Variants in KCNJ6 observed in about 807,000 individuals in gnomAD.
KCNJ6 encodes the protein potassium inwardly rectifying channel subfamily J member 6, also known as G protein-activated inward rectifier potassium channel 2.
A neutral mutation model predicts 34.2 loss-of-function variants in KCNJ6; 9 were observed. The observed-to-expected ratio is 0.26, with a 90% CI of 0.16 to 0.46. The LOEUF is 0.46. Ranked by LOEUF, KCNJ6 falls within the 20% of genes least tolerant of loss-of-function variation. KCNJ6 has a pLI of 1.00. For synonymous variants in KCNJ6, 196 were observed against 207.1 expected (o/e 0.95, Z 0.46); for missense variants, 236 against 531.3 (o/e 0.44, Z 5.46).
At chr21:37,795,734 C>CAAAAAAAAAAAA (rs751299050) in intron 2 of KCNJ6, among the ~76,000 whole-genome samples, 1 of 62,858 alleles carries the variant, frequency 1.6e-5, no homozygotes, top group African/African-American at 5.6e-5. Flanking sequence ...AACTCCGTCT[C>CAAAAAAAAAAAA]AAAAAAAAAA....
At chr21:37,687,737 A>G (rs1245713484) in intron 3 of KCNJ6, among the ~76,000 whole-genome samples, 1 of 152,210 alleles carries the variant, frequency 6.6e-6, no homozygotes, top group Non-Finnish European at 1.5e-5. Flanking sequence ...ATTTCTTATT[A>G]GAAAAACAAT....
chr21:37,743,838 TA>T (rs529165342), intron 2 of KCNJ6, among the ~76,000 whole-genome samples: 1 of 152,044 alleles, frequency 6.6e-6, no homozygotes, highest in African/African-American at 2.4e-5. Context: ...CTTACACCAT[TA>T]AAAAAACCCC....
At chr21:37,718,085 C>T (rs569003698) in intron 2 of KCNJ6, among the ~76,000 whole-genome samples, 1 of 152,326 alleles carries the variant, frequency 6.6e-6, no homozygotes, top group South Asian at 2.1e-4. Context: ...TTCTCATCCT[C>T]TTTGCATTGA....
rs564651508 is a variant in KCNJ6, at chr21:37,864,109, C to T, written c.-27-23400G>A. 2.5e-4 allele frequency among the ~76,000 whole-genome samples: 31 copies of T among 125,200 alleles called. No homozygotes were observed. The South Asian group carries it at 4.3e-3, about 17-fold the overall frequency. The allele number at this position is 125,200 out of a possible 152,430, so 82.1% of individuals were successfully genotyped here. On this transcript the variant is annotated intron_variant, in intron 1 of 3. Transcript: ENST00000609713. Reference sequence around the variant, plus strand: ...GAAAGGAATATGCAATTCTCCAATTCTCTATTTTTTTTTTTTGTTTTAGGT... The same window carrying T: ...GAAAGGAATATGCAATTCTCCAATTTTCTATTTTTTTTTTTTGTTTTAGGT...
intron 2 of KCNJ6, among the ~76,000 whole-genome samples, chr21:37,736,190 T>TG (rs2054912141): frequency 9.6e-6 from 1 of 104,404 alleles, no homozygotes; most frequent in Non-Finnish European, 2.5e-5. Context: ...CCGAGCCCTG[T>TG]GCTAGGCCCT....
chr21:37,745,944 C>T (rs1444871951), intron 2 of KCNJ6, among the ~76,000 whole-genome samples: 1 of 152,190 alleles, frequency 6.6e-6, no homozygotes, highest in African/African-American at 2.4e-5. Flanking sequence ...TCTCACAGTT[C>T]TGAAGGCTGG....
In KCNJ6 at chr21:37,877,033, C is replaced by T. The variant is rs555479591; in HGVS notation, c.-27-36324G>A. On this transcript the variant is annotated intron_variant, in intron 1 of 3. Coordinates refer to ENST00000609713, the MANE Select transcript of KCNJ6 (RefSeq NM_002240.5). Reference sequence around the variant, plus strand: ...TTACTATGAGTCATGTTCCAAAGTGCCCTGCCCTTGAGTTGATGTCGAATG... The same window carrying T: ...TTACTATGAGTCATGTTCCAAAGTGTCCTGCCCTTGAGTTGATGTCGAATG... 7.2e-5 allele frequency among the ~76,000 whole-genome samples: 11 copies of T among 152,228 alleles called. No individual in the cohort carries two copies. The East Asian group carries it at 1.9e-3, about 27-fold the overall frequency.
At chr21:37,768,036 C>G (rs2123501098) in intron 2 of KCNJ6, among the ~76,000 whole-genome samples, 1 of 149,452 alleles carries the variant, frequency 6.7e-6, no homozygotes, top group East Asian at 2.0e-4. Context: ...TTCCAAAGGA[C>G]TTGGGTAAAA....
At chr21:37,875,343 G>T (rs1302134674) in intron 1 of KCNJ6, among the ~76,000 whole-genome samples, 1 of 152,176 alleles carries the variant, frequency 6.6e-6, no homozygotes, top group Non-Finnish European at 1.5e-5. Flanking sequence ...TTAGCGGGGA[G>T]CCTCCACCTT....
intron 1 of KCNJ6, among the ~76,000 whole-genome samples, chr21:37,914,303 A>C (rs1189136646): frequency 6.6e-6 from 1 of 152,156 alleles, no homozygotes; most frequent in African/African-American, 2.4e-5. Flanking sequence ...CGACCAAAGG[A>C]GTGGGTACTG....
chr21:37,907,302 G>A (rs897650388), intron 1 of KCNJ6, among the ~76,000 whole-genome samples: 15 of 152,162 alleles, frequency 9.9e-5, no homozygotes, highest in African/African-American at 2.2e-4. Context: ...CACAAGGTTC[G>A]TGTAGGGACT....
In KCNJ6 at chr21:37,743,163, C is replaced by A. The variant is rs73904428; in HGVS notation, c.26-28032G>T. Among the ~76,000 whole-genome samples, 309 of 152,288 alleles carry A rather than the reference C, an allele frequency of 2.0e-3. 3 individuals carry two copies. The highest frequency in any genetic ancestry group is 7.2e-3 in the African/African-American group (299 of 41,556). ...GCTTTCATGTCTCTTCCCTGACAGA[C>A]CCTCAATCTTCAAGGTAAGCAACTA... On this transcript the variant is annotated intron_variant, in intron 2 of 3. Coordinates refer to ENST00000609713, the MANE Select transcript of KCNJ6 (RefSeq NM_002240.5).
At chr21:37,811,062 G>GATTGAGTTA (rs1293830369) in intron 2 of KCNJ6, among the ~76,000 whole-genome samples, 7 of 152,124 alleles carry the variant, frequency 4.6e-5, no homozygotes, top group Admixed American at 1.3e-4. Context: ...AGAGGCTGGA[G>GATTGAGTTA]ATTGAGTTAA....
chr21:37,720,948 C>T (rs1378611264), intron 2 of KCNJ6, among the ~76,000 whole-genome samples: 1 of 151,624 alleles, frequency 6.6e-6, no homozygotes, highest in African/African-American at 2.4e-5. Context: ...ACCTCATGAT[C>T]CACCCGCCTC....
chr21:37,873,300 A>C (rs1034656560), intron 1 of KCNJ6, among the ~76,000 whole-genome samples: 1 of 152,232 alleles, frequency 6.6e-6, no homozygotes, highest in African/African-American at 2.4e-5. Context: ...ACGTTACGCG[A>C]ATCCTTGCAG....
chr21:37,617,057 C>CTTTCT lies in KCNJ6; in HGVS notation c.*8101_*8102insAGAAA. 1.9e-5 allele frequency: 1 copy of CTTTCT among 53,454 alleles called. No homozygotes were observed. Among genetic ancestry groups the CTTTCT allele is most frequent in the East Asian group, 4.2e-4 (1 of 2,372 alleles). The allele number at this position is 53,454 out of a possible 1,614,324, so 3.3% of individuals were successfully genotyped here. ...CTTTCTTTCTTTCTTTCTTTCTTTTCTTTTCTTTTCTTTTCTTTTCTTTCT... is the reference window on the plus strand; with the variant it reads ...CTTTCTTTCTTTCTTTCTTTCTTTTCTTTCTTTTTCTTTTCTTTTCTTTTCTTTCT... On this transcript the variant is annotated 3_prime_UTR_variant, in exon 4 of 4. Coordinates refer to ENST00000609713, the MANE Select transcript of KCNJ6 (RefSeq NM_002240.5).
Position 37,618,846 on chromosome 21 carries a change from T to C in KCNJ6, c.*6313A>G, listed in dbSNP as rs549581119. On this transcript the variant is annotated 3_prime_UTR_variant, in exon 4 of 4. Coordinates refer to ENST00000609713, the MANE Select transcript of KCNJ6 (RefSeq NM_002240.5). ...CCTTCCTTTTCCTAGGACTCTCTTA[T>C]TGAATTAGGTGGATACATGAAGCTT... is the stretch of plus-strand genomic sequence containing the variant. The C allele has an allele frequency of 1.3e-5, 2 of 152,390 alleles. No individual in the cohort carries two copies. Among genetic ancestry groups the C allele is most frequent in the South Asian group, 2.1e-4 (1 of 4,834 alleles). 9.4% of individuals were successfully genotyped at this position (152,390 alleles called of 1,614,324 possible).
chr21:37,692,062 C>T (rs1240884364), intron 3 of KCNJ6, among the ~76,000 whole-genome samples: 2 of 152,116 alleles, frequency 1.3e-5, no homozygotes, highest in African/African-American at 4.8e-5. Context: ...GTGTCCATTT[C>T]CATGGATTGC....
chr21:37,739,324 G>C (rs2054928191), intron 2 of KCNJ6, among the ~76,000 whole-genome samples: 2 of 152,128 alleles, frequency 1.3e-5, no homozygotes. Context: ...GGCTGTTACA[G>C]AACATCCAGT....
Sources: allele counts gnomAD v4.1 joint callset (sites outside exome capture counted in the v4.1 genomes callset), GRCh38; gene constraint gnomAD v4.1.1; transcripts MANE v1.5; gene names NCBI Gene and HGNC (gene_info 2026-07-23, HGNC 2026-07-21).